SARDH: variants seen among roughly 807,000 people sequenced by gnomAD.
The protein encoded by SARDH is sarcosine dehydrogenase, mitochondrial.
A neutral mutation model predicts 109.1 loss-of-function variants in SARDH; 95 were observed. The ratio of observed to expected loss-of-function variants is 0.87; its 90% CI spans 0.74 to 1.03. The LOEUF (loss-of-function observed/expected upper bound fraction) is 1.03, where lower values mean the gene tolerates loss of function less well. Among genes scored for constraint, SARDH ranks in the 50% least tolerant of loss-of-function variants. SARDH has a pLI of 0.00. For missense variants in SARDH, 1,267 were observed against 1,287.8 expected, an observed-to-expected ratio of 0.98 and a Z score of 0.25; for synonymous variants, 572 against 534.8, an observed-to-expected ratio of 1.07 and a Z score of -0.96.
chr9:133,703,114 G>GA lies in SARDH; in HGVS notation c.1555-86dup, dbSNP rs1831554228. The GA allele has an allele frequency of 5.8e-6, 7 of 1,212,638 alleles. No homozygotes were observed. In the South Asian group the frequency reaches 9.1e-5, roughly 16 times the overall value. 75.1% of individuals were successfully genotyped at this position (1,212,638 alleles called of 1,614,324 possible). On this transcript the variant is annotated intron_variant, in intron 12 of 20. Transcript: ENST00000439388. ...CAGAGCGGGGTCCCGCTGAGGCTGT[G>GA]ATGGGGTCAGGCCTGGCCCTGCCCT...
At chr9:133,732,211 G>A (rs974530821) in intron 3 of SARDH, among the ~76,000 whole-genome samples, 2 of 151,538 alleles carry the variant, frequency 1.3e-5, no homozygotes, top group Admixed American at 6.6e-5. Flanking sequence ...CCCCACTCCC[G>A]ACCCCACAGG....
chr9:133,663,508 G>A (rs1433424577), downstream of SARDH: 3 of 257,900 alleles, frequency 1.2e-5, no homozygotes, highest in Admixed American at 5.3e-5. Flanking sequence ...AGGGAAGCCC[G>A]CCACCGATCA....
chr9:133,691,824 A>G (rs1474352218), intron 15 of SARDH, among the ~76,000 whole-genome samples: 5 of 152,126 alleles, frequency 3.3e-5, no homozygotes, highest in African/African-American at 1.2e-4. Context: ...CAAAGCCCAC[A>G]TGGTGGTTTT....
Position 133,734,132 on chromosome 9 carries a change from G to A in SARDH, c.42C>T (p.His14=). Residue 14 remains histidine (H), a synonymous_variant, in exon 2 of 21, where the codon CAC becomes CAT. Transcript: ENST00000439388. ...TGCCCCGGGTAGGGCTCTGGCGAGG[G>A]TGGGCAGCAGCCACACGTAGGGCTC... is the stretch of plus-strand genomic sequence containing the variant. ...LSRALRVAAA[H]PRQSPTRGMG... The A allele has an allele frequency of 6.2e-7, 1 of 1,608,686 alleles. No homozygotes were observed. The highest frequency in any genetic ancestry group is 8.5e-7 in the Non-Finnish European group (1 of 1,178,100).
chr9:133,661,147 C>T (rs1054606498), downstream of SARDH, among the ~76,000 whole-genome samples: 1 of 152,130 alleles, frequency 6.6e-6, no homozygotes, highest in Non-Finnish European at 1.5e-5. Flanking sequence ...CGAGACCAGC[C>T]TGGCCAATAT....
chr9:133,682,705 ACC>A lies in SARDH; in HGVS notation c.2163+2486_2163+2487del, dbSNP rs1341350163. Among the ~76,000 whole-genome samples the A allele has an allele frequency of 2.7e-4, 34 of 124,898 alleles. 9 individuals are homozygous for A. The highest frequency in any genetic ancestry group is 1.1e-3 in the African/African-American group (31 of 27,138). 81.9% of individuals were successfully genotyped at this position (124,898 alleles called of 152,430 possible). On this transcript the variant is annotated intron_variant, in intron 17 of 20. Coordinates refer to ENST00000439388, the MANE Select transcript of SARDH (RefSeq NM_001134707.2). ...GTCTGCACTCAGCCCCTGTGCTGAA[ACC>A]CATGCGCAGTGATGGTTGGAAACTG...
chr9:133,686,089 G>A lies in SARDH; in HGVS notation c.2070-803C>T, dbSNP rs1830875381. On this transcript the variant is annotated intron_variant, in intron 16 of 20. Transcript: ENST00000439388. The surrounding 1 kb of genome is among the most constrained non-coding windows in gnomAD (Gnocchi z 4.0). ...GTGCCACAGTGCTATGAGGGCCCGG[G>A]AATGTTCCTGAGCACTGGACACTCA... Among the ~76,000 whole-genome samples the A allele has an allele frequency of 6.6e-6, 1 of 152,148 alleles. No individual in the cohort carries two copies.
chr9:133,667,191 C>A, intron 19 of SARDH: 6 of 423,420 alleles, frequency 1.4e-5, no homozygotes, highest in Non-Finnish European at 2.1e-5. Flanking sequence ...TTGTTCAACT[C>A]TGGTTTTTTT....
intron 8 of SARDH, among the ~76,000 whole-genome samples, chr9:133,714,862 C>T (rs1266672061): frequency 6.6e-6 from 1 of 152,140 alleles, no homozygotes; most frequent in East Asian, 1.9e-4. Context: ...TATTTCTAGG[C>T]CCAGGGAGGG....
chr9:133,735,912 T>C (rs1214953555), intron 1 of SARDH, among the ~76,000 whole-genome samples: 1 of 151,966 alleles, frequency 6.6e-6, no homozygotes, highest in Admixed American at 6.6e-5. Flanking sequence ...TGGTGGTGCA[T>C]GCCTGTAATC....
At chr9:133,738,405 T>TC (rs1832955554), upstream of SARDH, 1 of 150,278 alleles carries the variant, frequency 6.7e-6, no homozygotes, top group South Asian at 2.2e-4. Flanking sequence ...CCGCCCAGGA[T>TC]CTGGGCGGAG....
rs1201979199 is a variant in SARDH at position 133,666,690 on chromosome 9, G to C, written c.2631+45C>G. ...TGCAGGGAGCTGGTTTGGAGCTGGTGAGGGATCGGCATCTGCCTTAGCAGG... is the reference window on the plus strand; with the variant it reads ...TGCAGGGAGCTGGTTTGGAGCTGGTCAGGGATCGGCATCTGCCTTAGCAGG... On this transcript the variant is annotated intron_variant, in intron 20 of 20. Transcript: ENST00000439388. This position sits in a 1 kb window ranked among gnomAD's most constrained non-coding sequence, Gnocchi z 5.2. The C allele has an allele frequency of 1.9e-6, 3 of 1,558,398 alleles. No individual in the cohort carries two copies. The highest frequency in any genetic ancestry group is 1.2e-5 in the South Asian group (1 of 84,552).
chr9:133,659,950 C>T (rs557187924), downstream of SARDH, among the ~76,000 whole-genome samples: 971 of 152,260 alleles, frequency 6.4e-3, 7 homozygotes, highest in Non-Finnish European at 0.011. Flanking sequence ...CTGCCGATCT[C>T]GGGCAGGGAA....
chr9:133,734,407 A>ATT (rs1832805399), intron 1 of SARDH, among the ~76,000 whole-genome samples: 3 of 78,088 alleles, frequency 3.8e-5, no homozygotes, highest in Non-Finnish European at 6.2e-5. Flanking sequence ...TCATTCATTC[A>ATT]CTCATTCATT....
In SARDH at chr9:133,708,272, C is replaced by G. The variant is rs1042708889; in HGVS notation, c.1470+15G>C. ...CCTCGCTGCCAGTCCCCAGCAGGAG[C>G]TGTAGGGGCGTTACCTCGTGCAGCG... On this transcript the variant is annotated intron_variant, in intron 11 of 20. Coordinates refer to ENST00000439388, the MANE Select transcript of SARDH (RefSeq NM_001134707.2). 1.1e-5 allele frequency: 18 copies of G among 1,608,636 alleles called. No individual in the cohort carries two copies. Among genetic ancestry groups the G allele is most frequent in the Non-Finnish European group, 1.4e-5 (17 of 1,177,590 alleles).
rs1366238396 is a variant in SARDH at position 133,666,588 on chromosome 9, CCCT to C, written c.2631+144_2631+146del. ...TTCCTTCCTCCCCCTCTTCCCTCCT[CCCT>C]CCTTTCTCTTCCCTCCTCCTCTTCT... On this transcript the variant is annotated intron_variant, in intron 20 of 20. Transcript: ENST00000439388. This position sits in a 1 kb window ranked among gnomAD's most constrained non-coding sequence, Gnocchi z 5.2. 3 of 1,051,896 alleles carry C rather than the reference CCCT, an allele frequency of 2.9e-6. No individual in the cohort carries two copies. The highest frequency in any genetic ancestry group is 4.0e-6 in the Non-Finnish European group (3 of 745,864). 65.2% of individuals were successfully genotyped at this position (1,051,896 alleles called of 1,614,324 possible).
chr9:133,680,395 G>A (rs867227191), intron 17 of SARDH, among the ~76,000 whole-genome samples: 7 of 152,238 alleles, frequency 4.6e-5, no homozygotes, highest in East Asian at 1.9e-4. Context: ...GGAGCTGGCC[G>A]TGGCCAGTGG....
At chr9:133,691,051 G>C (rs961223906) in intron 15 of SARDH, among the ~76,000 whole-genome samples, 1 of 152,158 alleles carries the variant, frequency 6.6e-6, no homozygotes, top group African/African-American at 2.4e-5. Context: ...AAGCACAACA[G>C]AGAATGAAGG....
At chr9:133,724,341 A>G (rs1832419349) in intron 6 of SARDH, among the ~76,000 whole-genome samples, 1 of 152,244 alleles carries the variant, frequency 6.6e-6, no homozygotes, top group African/African-American at 2.4e-5. Flanking sequence ...CTATTTTTAA[A>G]TGGGCAAAGT....
Sources: gnomAD v4.1 joint callset for allele counts (sites outside exome capture counted in the v4.1 genomes callset) on GRCh38, gnomAD v4.1.1 for gene constraint, Gnocchi (gnomAD v3.1) non-coding constraint, MANE v1.5 for transcripts, NCBI Gene and HGNC (gene_info 2026-07-23, HGNC 2026-07-21) for gene names.